The following WRAP53 variants were observed in gnomAD, a reference collection of about 807,000 sequenced individuals.
WRAP53 encodes WD repeat containing antisense to TP53, also known as telomerase Cajal body protein 1.
A neutral mutation model predicts 56.6 loss-of-function variants in WRAP53; 28 were observed. The observed-to-expected ratio is 0.50, with a 90% CI of 0.37 to 0.68. The LOEUF is 0.68. Among genes scored for constraint, WRAP53 ranks in the 30% least tolerant of loss-of-function variants. WRAP53 has a pLI of 0.00. For synonymous variants in WRAP53, 283 were observed against 283.4 expected (o/e 1.00, Z 0.01); for missense variants, 671 against 715.5 (o/e 0.94, Z 0.71).
intron 2 of WRAP53, 59 bp downstream of exon 2, chr17:7,689,138 G>A: frequency 6.2e-7 from 1 of 1,613,836 alleles, no homozygotes; most frequent in Admixed American, 1.7e-5. Flanking sequence ...AGGTCGATCT[G>A]TCCTCTGGTC....
intron 4 of WRAP53, among the ~76,000 whole-genome samples, chr17:7,693,198 G>A (rs1461222829): frequency 1.2e-4 from 12 of 97,254 alleles, no homozygotes; most frequent in African/African-American, 1.1e-3. Flanking sequence ...TTTTTGAGAC[G>A]GAGTTTCAAA....
rs2151096818 is a variant in WRAP53, at chr17:7,702,242, G to A, written c.956-102G>A. On this transcript the variant is annotated intron_variant, in intron 7 of 10. Transcript: ENST00000396463. The surrounding 1 kb of genome is among the most constrained non-coding windows in gnomAD (Gnocchi z 5.0). ...ACAGACAGCATGGGGGGGATGTTGA[G>A]TCCAAGCATGTTGGTGCTGGGACGG... 3 of 1,275,006 alleles carry A rather than the reference G, an allele frequency of 2.4e-6. No individual in the cohort carries two copies. The East Asian group carries it at 7.1e-5, about 30-fold the overall frequency. The allele number at this position is 1,275,006 out of a possible 1,614,324, so 79.0% of individuals were successfully genotyped here.
intron 4 of WRAP53, among the ~76,000 whole-genome samples, chr17:7,690,536 G>T (rs1462530447): frequency 6.6e-6 from 1 of 152,238 alleles, no homozygotes; most frequent in Admixed American, 6.5e-5. Flanking sequence ...GATCAGTCAT[G>T]TGAAGGCTTC....
rs1177019881 is a variant in WRAP53 at position 7,692,746 on chromosome 17, CT to C, written c.642+3069del. Among the ~76,000 whole-genome samples, 563 of 98,040 alleles carry C rather than the reference CT, an allele frequency of 5.7e-3. 1 individual carries two copies. The highest frequency in any genetic ancestry group is 0.019 in the African/African-American group (371 of 19,894). 64.3% of individuals were successfully genotyped at this position (98,040 alleles called of 152,430 possible). A position where few individuals can be genotyped will look rare whatever the true frequency, so the allele number is the denominator to read the frequency against. On this transcript the variant is annotated intron_variant, in intron 4 of 10. Transcript: ENST00000396463. ...ACTAATGTCCTCTTGGGTCATTCTC[CT>C]TTTTTTTTTTTTTTTTTTTTTTTGA...
rs1182075792 is a variant in WRAP53 at position 7,700,042 on chromosome 17, TTTC to T, written c.643-696_643-694del. Among the ~76,000 whole-genome samples, 14 of 151,690 alleles carry T rather than the reference TTTC, an allele frequency of 9.2e-5. No individual in the cohort carries two copies. The East Asian group carries it at 2.7e-3, about 30-fold the overall frequency. ...GCCACTGTGCTCAGCCGATAATTTTTTTCTTTTCTTTTTCTTTTTTTTTTGGGG... is the reference window on the plus strand; with the variant it reads ...GCCACTGTGCTCAGCCGATAATTTTTTTTTCTTTTTCTTTTTTTTTTGGGG... On this transcript the variant is annotated intron_variant, in intron 4 of 10. Coordinates refer to ENST00000396463, the MANE Select transcript of WRAP53 (RefSeq NM_001143992.2).
At chr17:7,687,522 A>T, upstream of WRAP53, 1 of 398,750 alleles carries the variant, frequency 2.5e-6, no homozygotes, top group South Asian at 1.3e-4. Flanking sequence ...AGTCTTGAGC[A>T]CATGGGAGGG....
At chr17:7,694,117 T>C (rs1446712078) in intron 4 of WRAP53, among the ~76,000 whole-genome samples, 1 of 152,184 alleles carries the variant, frequency 6.6e-6, no homozygotes, top group African/African-American at 2.4e-5. Flanking sequence ...ACCCCGTCTC[T>C]ACTAAAAAAG....
In WRAP53 at chr17:7,702,506, T is replaced by C; in HGVS notation, c.1118T>C (p.Leu373Pro). The part of the protein sequence containing the change: ...LGGHQGGITH[L>P]CFHPDGNRFF... ...GGGCACCAAGGGGGCATCACCCACC[T>C]CTGCTTTCATCCCGATGGCAACCGC... The change falls in exon 8 of 11, where the codon CTC becomes CCC. Residue 373 changes from leucine (L) to proline (P), a missense_variant. Around this residue, in one of 3 missense-constraint regions of WRAP53, gnomAD observed 158 missense variants for 215.7 expected, o/e 0.73. Transcript: ENST00000396463. The surrounding 1 kb of genome is among the most constrained non-coding windows in gnomAD (Gnocchi z 5.0). 1 of 1,613,230 alleles carries C rather than the reference T, an allele frequency of 6.2e-7. No homozygotes were observed. Among genetic ancestry groups the C allele is most frequent in the Non-Finnish European group, 8.5e-7 (1 of 1,179,976 alleles).
intron 4 of WRAP53, among the ~76,000 whole-genome samples, chr17:7,694,049 G>A (rs1336728153): frequency 6.6e-6 from 1 of 152,088 alleles, no homozygotes; most frequent in Non-Finnish European, 1.5e-5. Context: ...TTGGGAGGCC[G>A]AGGCGGGTGG....
At chr17:7,698,096 T>A (rs1597415364) in intron 4 of WRAP53, among the ~76,000 whole-genome samples, 1 of 152,210 alleles carries the variant, frequency 6.6e-6, no homozygotes. Context: ...GAGACTCTTA[T>A]ACACTGCTGG....
At chr17:7,700,885 C>G in intron 5 of WRAP53, 56 bp downstream of exon 5, 1 of 1,343,512 alleles carries the variant, frequency 7.4e-7, no homozygotes, top group Non-Finnish European at 1.1e-6. Context: ...CAAGCAGGGC[C>G]TCTTGGGAGA....
chr17:7,688,986 T>C lies in WRAP53; in HGVS notation c.338T>C (p.Leu113Pro), dbSNP rs942160394. The C allele has an allele frequency of 1.9e-6, 3 of 1,614,040 alleles. No individual in the cohort carries two copies. Among genetic ancestry groups the C allele is most frequent in the Non-Finnish European group, 2.5e-6 (3 of 1,180,038 alleles). Residue 113 changes from leucine to proline, a missense_variant, in exon 2 of 11, where the codon CTT becomes CCT. By Grantham distance (98) the Leu-to-Pro change is moderately conservative. Coordinates refer to ENST00000396463, the MANE Select transcript of WRAP53 (RefSeq NM_001143992.2). ...SLPAEEANGS[L>P]SEEEANGPEL... ...CCTGCAGAAGAAGCAAACGGGAGCC[T>C]TTCTGAAGAAGAAGCGAACGGGCCA...
intron 4 of WRAP53, among the ~76,000 whole-genome samples, chr17:7,699,496 A>ATTTT (rs1401302766): frequency 8.2e-5 from 1 of 12,202 alleles, no homozygotes; most frequent in Non-Finnish European, 1.3e-4. Context: ...ATATATATAT[A>ATTTT]TATATTTATA....
chr17:7,701,680 G>C lies in WRAP53; in HGVS notation c.846G>C (p.Ser282=). 1 of 1,614,234 alleles carries C rather than the reference G, an allele frequency of 6.2e-7. No homozygotes were observed. The highest frequency in any genetic ancestry group is 8.5e-7 in the Non-Finnish European group (1 of 1,180,046). The change falls in exon 7 of 11, where the codon TCG becomes TCC. Residue 282 remains serine, a synonymous_variant. Coordinates refer to ENST00000396463, the MANE Select transcript of WRAP53 (RefSeq NM_001143992.2). This position sits in a 1 kb window ranked among gnomAD's most constrained non-coding sequence, Gnocchi z 4.2. Reference sequence around the variant, plus strand: ...AGGATGAGCTGACGGCAGCCCATTCGCTCTGCTTCTCCCCGGATGGCTCCC... The same window carrying C: ...AGGATGAGCTGACGGCAGCCCATTCCCTCTGCTTCTCCCCGGATGGCTCCC... ...NHLDELTAAH[S]LCFSPDGSQL...
Position 7,689,655 on chromosome 17 carries a change from C to T in WRAP53, c.596C>T (p.Pro199Leu), listed in dbSNP as rs1367493551. The T allele has an allele frequency of 6.2e-7, 1 of 1,614,016 alleles. No individual in the cohort carries two copies. The highest frequency in any genetic ancestry group is 2.2e-5 in the East Asian group (1 of 44,898). ...ADNILRIYNL[P>L]PELYHEGEQV... ...AACATCTTGCGAATTTATAACCTGC[C>T]CCCAGAGCTGTACCATGAGGGGGAG... The change falls in exon 4 of 11, where the codon CCC becomes CTC. Residue 199 changes from proline (P) to leucine (L), a missense_variant. Pro to Leu is a moderately conservative substitution (Grantham distance 98). Around this residue, in one of 3 missense-constraint regions of WRAP53, gnomAD observed 406 missense variants for 418.5 expected, o/e 0.97. Coordinates refer to ENST00000396463, the MANE Select transcript of WRAP53 (RefSeq NM_001143992.2).
At chr17:7,690,915 AAAC>A (rs2074098931) in intron 4 of WRAP53, among the ~76,000 whole-genome samples, 1 of 151,588 alleles carries the variant, frequency 6.6e-6, no homozygotes, top group Admixed American at 6.6e-5. Flanking sequence ...CCATCTCAAA[AAAC>A]AACAAAACAG....
Position 7,703,469 on chromosome 17 carries a change from G to C in WRAP53, c.1630G>C (p.Val544Leu). ...EKGQGGTEGG[V>L]GELI ...AGGGCAGGGAGGAACGGAGGGAGGT[G>C]TGGGTGAGCTGATATAAAAAGGTTT... is the stretch of plus-strand genomic sequence containing the variant. Residue 544 changes from valine to leucine, a missense_variant, in exon 11 of 11, where the codon GTG (valine) becomes CTG (leucine). Around this residue, in one of 3 missense-constraint regions of WRAP53, gnomAD observed 107 missense variants for 81.3 expected, o/e 1.32. Transcript: ENST00000396463. 18 of 1,613,642 alleles carry C rather than the reference G, an allele frequency of 1.1e-5. No homozygotes were observed. Among genetic ancestry groups the C allele is most frequent in the Non-Finnish European group, 8.5e-6 (10 of 1,179,962 alleles).
chr17:7,702,858 T>C lies in WRAP53; in HGVS notation c.1268+12T>C. On this transcript the variant is annotated intron_variant, in intron 9 of 10. Coordinates refer to ENST00000396463, the MANE Select transcript of WRAP53 (RefSeq NM_001143992.2). This position sits in a 1 kb window ranked among gnomAD's most constrained non-coding sequence, Gnocchi z 5.0. ...TTCGATCTGGACCCGTGAGTGGCTG[T>C]GACTCCTTCCTACACAGGGCCCTGA... is the stretch of plus-strand genomic sequence containing the variant. 6.2e-7 allele frequency: 1 copy of C among 1,613,736 alleles called. No homozygotes were observed. Among genetic ancestry groups the C allele is most frequent in the Non-Finnish European group, 8.5e-7 (1 of 1,179,944 alleles).
rs865931339 is a variant in WRAP53 at position 7,702,804 on chromosome 17, G to A, written c.1226G>A (p.Arg409Gln). 4 of 1,613,980 alleles carry A rather than the reference G, an allele frequency of 2.5e-6. No individual in the cohort carries two copies. The highest frequency in any genetic ancestry group is 3.4e-6 in the Non-Finnish European group (4 of 1,180,002). ...QSGYPLWSLG[R>Q]EVTTNQRIYF... is the part of the protein sequence containing the mutation. ...GGTTACCCACTGTGGTCCCTGGGTC[G>A]AGAGGTGACCACCAATCAGCGCATC... Residue 409 changes from arginine (R) to glutamine (Q), a missense_variant, in exon 9 of 11, where the codon CGA becomes CAA. Coordinates refer to ENST00000396463, the MANE Select transcript of WRAP53 (RefSeq NM_001143992.2). This position sits in a 1 kb window ranked among gnomAD's most constrained non-coding sequence, Gnocchi z 5.0.
Sources: gnomAD v4.1 joint callset for allele counts (sites outside exome capture counted in the v4.1 genomes callset) on GRCh38, gnomAD v4.1.1 for gene constraint, gnomAD v4.1.1 regional missense constraint, Gnocchi (gnomAD v3.1) non-coding constraint, MANE v1.5 for transcripts, NCBI Gene and HGNC (gene_info 2026-07-23, HGNC 2026-07-21) for gene names.